Variants in PTPRD observed in about 807,000 individuals in gnomAD.
The protein encoded by PTPRD is protein tyrosine phosphatase receptor type D.
Under a neutral mutation model 214.5 loss-of-function variants are expected in PTPRD, and 34 were observed. The observed-to-expected ratio is 0.16, with a 90% confidence interval of 0.12 to 0.21. The LOEUF (loss-of-function observed/expected upper bound fraction) is 0.21, where lower values mean the gene tolerates loss of function less well. PTPRD is among the 10% of genes least tolerant of loss of function. The probability of loss-of-function intolerance (pLI) is 1.00; values close to 1 mark genes in which losing one functional copy is unlikely to be tolerated. For synonymous variants in PTPRD, 1,128 were observed against 845.7 expected, an observed-to-expected ratio of 1.33 and a Z score of -5.79; for missense variants, 2,545 against 2,398.7, an observed-to-expected ratio of 1.06 and a Z score of -1.27.
chr9:8,352,502 A>C (rs2075792546), intron 39 of PTPRD, among the ~76,000 whole-genome samples: 1 of 152,160 alleles, frequency 6.6e-6, no homozygotes, highest in African/African-American at 2.4e-5. Context: ...AGAGGAGACA[A>C]CCATTTACCA....
At chr9:10,167,836 G>C (rs554426027) in intron 3 of PTPRD, among the ~76,000 whole-genome samples, 24 of 152,134 alleles carry the variant, frequency 1.6e-4, no homozygotes, top group Non-Finnish European at 3.4e-4. Context: ...TGTGATAGAA[G>C]ATAAAGCCCA....
At chr9:9,048,450 C>T (rs746498490) in intron 10 of PTPRD, among the ~76,000 whole-genome samples, 1 of 152,094 alleles carries the variant, frequency 6.6e-6, no homozygotes, top group African/African-American at 2.4e-5. Context: ...AAGACATACA[C>T]ACAATGGAGT....
intron 8 of PTPRD, among the ~76,000 whole-genome samples, chr9:9,524,731 T>A (rs1019146269): frequency 6.6e-6 from 1 of 152,240 alleles, no homozygotes; most frequent in Non-Finnish European, 1.5e-5. Context: ...TCCAGAGATT[T>A]TAATGCTTTT....
At chr9:9,873,322 C>T (rs1404478331) in intron 5 of PTPRD, among the ~76,000 whole-genome samples, 1 of 152,124 alleles carries the variant, frequency 6.6e-6, no homozygotes, top group African/African-American at 2.4e-5. Flanking sequence ...ACCTGCACCT[C>T]TCCTTCCTAT....
intron 7 of PTPRD, among the ~76,000 whole-genome samples, chr9:9,658,019 G>C (rs746986249): frequency 3.3e-5 from 5 of 152,020 alleles, no homozygotes; most frequent in African/African-American, 1.2e-4. Context: ...TGTGAATTTC[G>C]CTAAAATATT....
At chr9:10,007,956 C>T (rs1351906098) in intron 4 of PTPRD, among the ~76,000 whole-genome samples, 1 of 151,782 alleles carries the variant, frequency 6.6e-6, no homozygotes, top group Non-Finnish European at 1.5e-5. Context: ...TACTTAAGAA[C>T]CATTATGTTC....
chr9:8,486,964 T>C (rs2097031368), intron 27 of PTPRD, among the ~76,000 whole-genome samples: 1 of 152,036 alleles, frequency 6.6e-6, no homozygotes. Context: ...GCTTAAATGC[T>C]TAATTGTGCT....
At chr9:8,452,779 A>G (rs1480264549) in intron 33 of PTPRD, among the ~76,000 whole-genome samples, 1 of 152,188 alleles carries the variant, frequency 6.6e-6, no homozygotes, top group Non-Finnish European at 1.5e-5. Context: ...AATACACAAT[A>G]CAAATGCTAC....
chr9:9,832,339 G>A (rs989574682), intron 5 of PTPRD, among the ~76,000 whole-genome samples: 1 of 151,954 alleles, frequency 6.6e-6, no homozygotes, highest in Non-Finnish European at 1.5e-5. Flanking sequence ...CTATAGGGAT[G>A]GATATCTGAA....
chr9:9,621,165 C>T (rs1442262089), intron 7 of PTPRD, among the ~76,000 whole-genome samples: 1 of 152,214 alleles, frequency 6.6e-6, no homozygotes, highest in Non-Finnish European at 1.5e-5. Flanking sequence ...TTTCTCCTAA[C>T]TGTGAATACT....
intron 14 of PTPRD, among the ~76,000 whole-genome samples, chr9:8,623,046 G>A (rs2095870925): frequency 6.6e-6 from 1 of 151,994 alleles, no homozygotes; most frequent in South Asian, 2.1e-4. Flanking sequence ...CAGCAACTCA[G>A]GGACTCAGGT....
chr9:9,189,463 C>T (rs931893383), intron 9 of PTPRD, among the ~76,000 whole-genome samples: 3 of 152,022 alleles, frequency 2.0e-5, no homozygotes, highest in African/African-American at 7.2e-5. Flanking sequence ...CTTACCTGGT[C>T]TATTCCTACA....
chr9:8,466,154 G>A (rs1167801202), intron 31 of PTPRD, among the ~76,000 whole-genome samples: 1 of 151,904 alleles, frequency 6.6e-6, no homozygotes, highest in African/African-American at 2.4e-5. Context: ...TAACTCATAT[G>A]ATACAAATTC....
At chr9:9,453,145 C>T (rs888514462) in intron 8 of PTPRD, among the ~76,000 whole-genome samples, 3 of 151,046 alleles carry the variant, frequency 2.0e-5, no homozygotes, top group Non-Finnish European at 3.0e-5. Flanking sequence ...CTTTCAACGC[C>T]CCCCCACACA....
intron 2 of PTPRD, among the ~76,000 whole-genome samples, chr9:10,442,099 T>C (rs1325921789): frequency 2.0e-5 from 3 of 151,718 alleles, no homozygotes; most frequent in Non-Finnish European, 1.5e-5. Context: ...ACAAATCTAG[T>C]TCTTGAGCTT....
chr9:9,271,349 C>G (rs187251736), intron 9 of PTPRD, among the ~76,000 whole-genome samples: 6 of 150,354 alleles, frequency 4.0e-5, no homozygotes, highest in Admixed American at 2.7e-4. Context: ...TGGAAAAGTA[C>G]GTTCACCTTC....
At chr9:9,517,539 G>A (rs1183345539) in intron 8 of PTPRD, among the ~76,000 whole-genome samples, 1 of 151,896 alleles carries the variant, frequency 6.6e-6, no homozygotes, top group African/African-American at 2.4e-5. Flanking sequence ...AACAGTTAAT[G>A]TTTCTTCCTA....
At chr9:8,534,752 T>C (rs571037991) in intron 14 of PTPRD, among the ~76,000 whole-genome samples, 1 of 151,986 alleles carries the variant, frequency 6.6e-6, no homozygotes, top group Non-Finnish European at 1.5e-5. Flanking sequence ...CAGTGGATTT[T>C]TATACTTAAG....
chr9:10,275,192 C>G (rs1009547639), intron 3 of PTPRD, among the ~76,000 whole-genome samples: 1 of 151,978 alleles, frequency 6.6e-6, no homozygotes, highest in Admixed American at 6.6e-5. Flanking sequence ...TAGGTGGCAG[C>G]GAAGTATCTT....
Sources: allele counts gnomAD v4.1 joint callset (sites outside exome capture counted in the v4.1 genomes callset), GRCh38; gene constraint gnomAD v4.1.1; transcripts MANE v1.5; gene names NCBI Gene and HGNC (gene_info 2026-07-23, HGNC 2026-07-21).